CHIC1: variants seen among roughly 807,000 people sequenced by gnomAD.
CHIC1 encodes the protein cysteine rich hydrophobic domain 1, also known as cysteine-rich hydrophobic domain-containing protein 1.
A neutral mutation model predicts 18.5 loss-of-function variants in CHIC1; 7 were observed. The ratio of observed to expected loss-of-function variants is 0.38; its 90% confidence interval spans 0.22 to 0.71. CHIC1 has a LOEUF of 0.71. Ranked by LOEUF, CHIC1 falls within the 30% of genes least tolerant of loss-of-function variation. The pLI, the probability that CHIC1 is intolerant of heterozygous loss-of-function variation, is 0.49. For missense variants in CHIC1, 159 were observed against 176.9 expected, an observed-to-expected ratio of 0.90 and a Z score of 0.57; for synonymous variants, 77 against 73.5, an observed-to-expected ratio of 1.05 and a Z score of -0.25.
chrX:73,684,580 T>TC lies in CHIC1; in HGVS notation c.*3576dup, dbSNP rs1159761061. On this transcript the variant is annotated 3_prime_UTR_variant, in exon 6 of 6. Coordinates refer to ENST00000373502, the MANE Select transcript of CHIC1 (RefSeq NM_001039840.4). Reference sequence around the variant, plus strand: ...ACCTAGGAGGATATAGAAATTATATTCACCTGATTAACTGGAGCAGTTTCA... The same window carrying TC: ...ACCTAGGAGGATATAGAAATTATATTCCACCTGATTAACTGGAGCAGTTTCA... 3 of 111,427 alleles carry TC rather than the reference T, an allele frequency of 2.7e-5. No individual in the cohort carries two copies. Among genetic ancestry groups the TC allele is most frequent in the Non-Finnish European group, 3.8e-5 (2 of 52,839 alleles). 9.2% of individuals were successfully genotyped at this position (111,427 alleles called of 1,213,427 possible).
chrX:73,636,252 A>T (rs374631983), intron 3 of CHIC1, among the ~76,000 whole-genome samples: 1 of 111,534 alleles, frequency 9.0e-6, no homozygotes, highest in East Asian at 2.8e-4. Context: ...ATCCAAAGTG[A>T]GTCTTTATAG....
intron 3 of CHIC1, among the ~76,000 whole-genome samples, chrX:73,635,823 T>A (rs934534566): frequency 7.2e-5 from 8 of 111,842 alleles, no homozygotes; most frequent in African/African-American, 2.6e-4. Flanking sequence ...TCCTGGAGGA[T>A]GTTTCTTGTA....
At chrX:73,652,078 C>G (rs1179707286) in intron 3 of CHIC1, among the ~76,000 whole-genome samples, 1 of 111,688 alleles carries the variant, frequency 9.0e-6, no homozygotes, top group African/African-American at 3.3e-5. Flanking sequence ...AGAAATAACA[C>G]CACACATCTA....
chrX:73,641,804 T>C (rs1290075189), intron 3 of CHIC1, among the ~76,000 whole-genome samples: 1 of 110,985 alleles, frequency 9.0e-6, no homozygotes, highest in Admixed American at 9.6e-5. Flanking sequence ...TTACTGAGAA[T>C]GATGATTTCC....
At chrX:73,679,576 C>A in intron 4 of CHIC1, 78 bp from the exon 5 acceptor site, 1 of 683,905 alleles carries the variant, frequency 1.5e-6, no homozygotes, top group Non-Finnish European at 2.1e-6. Context: ...GGATTGTTTT[C>A]AGTGATTTAT....
chrX:73,626,155 C>T (rs952288402), intron 3 of CHIC1, among the ~76,000 whole-genome samples: 2 of 111,644 alleles, frequency 1.8e-5, no homozygotes, highest in African/African-American at 6.5e-5. Flanking sequence ...AAAAGAATGG[C>T]TACTCCATAG....
chrX:73,589,597 A>T (rs2057571290), intron 3 of CHIC1, among the ~76,000 whole-genome samples: 1 of 110,754 alleles, frequency 9.0e-6, no homozygotes, highest in Non-Finnish European at 1.9e-5. Flanking sequence ...CAGATTTATG[A>T]TTATCATTTT....
rs759851487 is a variant in CHIC1 at position 73,644,332 on chromosome X, G to A, written c.508-34994G>A. 3.3e-4 allele frequency among the ~76,000 whole-genome samples: 37 copies of A among 112,465 alleles called. No homozygotes were observed. The East Asian group carries it at 7.9e-3, about 24-fold the overall frequency. ...TCCAAGTTAGGCTGCTCGGGGGTCA[G>A]GGACCCACTTGAGGAGGCAGTCTGC... On this transcript the variant is annotated intron_variant, in intron 3 of 5. Transcript: ENST00000373502.
chrX:73,658,765 A>AT (rs2057964439), intron 3 of CHIC1, among the ~76,000 whole-genome samples: 2 of 111,818 alleles, frequency 1.8e-5, no homozygotes, highest in African/African-American at 6.5e-5. Flanking sequence ...TGATGTGGGC[A>AT]TTTAGTGCTA....
At chrX:73,636,015 C>T (rs1429309356) in intron 3 of CHIC1, among the ~76,000 whole-genome samples, 1 of 111,064 alleles carries the variant, frequency 9.0e-6, no homozygotes, top group Non-Finnish European at 1.9e-5. Flanking sequence ...TCAGTATTTG[C>T]TTCATATGGT....
intron 3 of CHIC1, among the ~76,000 whole-genome samples, chrX:73,591,514 G>A (rs1398552967): frequency 3.6e-5 from 4 of 111,398 alleles, no homozygotes; most frequent in Non-Finnish European, 7.6e-5. Flanking sequence ...CTCAGCCTGT[G>A]GTTTGTCTTT....
intron 3 of CHIC1, among the ~76,000 whole-genome samples, chrX:73,634,586 C>T (rs1208428679): frequency 9.0e-6 from 1 of 111,466 alleles, no homozygotes; most frequent in Non-Finnish European, 1.9e-5. Flanking sequence ...GCAAGTCATT[C>T]TTCAGATTTC....
chrX:73,646,491 G>T (rs781093155), intron 3 of CHIC1, among the ~76,000 whole-genome samples: 5 of 111,909 alleles, frequency 4.5e-5, no homozygotes, highest in African/African-American at 1.6e-4. Flanking sequence ...CCTTCCATTT[G>T]TGTGTTCTTC....
chrX:73,635,470 T>C (rs7063848), intron 3 of CHIC1, among the ~76,000 whole-genome samples: 5,318 of 111,762 alleles, frequency 0.048, 325 homozygotes, highest in African/African-American at 0.16. Flanking sequence ...AGGAATAATT[T>C]GCCAATGAAG....
At chrX:73,624,565 G>C (rs2057775081) in intron 3 of CHIC1, among the ~76,000 whole-genome samples, 2 of 112,276 alleles carry the variant, frequency 1.8e-5, no homozygotes, top group Admixed American at 1.9e-4. Context: ...AGAGCAGTCA[G>C]TTTTGAGCTT....
At chrX:73,634,301 T>C (rs965725576) in intron 3 of CHIC1, among the ~76,000 whole-genome samples, 3 of 112,781 alleles carry the variant, frequency 2.7e-5, no homozygotes, top group African/African-American at 9.7e-5. Context: ...GTTAGGATTG[T>C]GTGCCTTTAC....
chrX:73,607,939 C>G (rs2057690799), intron 3 of CHIC1, among the ~76,000 whole-genome samples: 2 of 109,264 alleles, frequency 1.8e-5, no homozygotes, highest in South Asian at 7.6e-4. Flanking sequence ...ATTCAGCCAT[C>G]TTGCCAGCTA....
Position 73,680,631 on chromosome X carries a change from G to A in CHIC1, c.625-324G>A, listed in dbSNP as rs2058094224. Reference sequence around the variant, plus strand: ...TTAATCTCTACTTTGCTAACAAAGAGATAGGGGTGTGGGGGAAAAACATAA... The same window carrying A: ...TTAATCTCTACTTTGCTAACAAAGAAATAGGGGTGTGGGGGAAAAACATAA... On this transcript the variant is annotated intron_variant, in intron 5 of 5. Transcript: ENST00000373502. Among the ~76,000 whole-genome samples the A allele has an allele frequency of 1.8e-5, 2 of 110,916 alleles. 1 individual carries two copies. Among genetic ancestry groups the A allele is most frequent in the African/African-American group, 6.5e-5 (2 of 30,668 alleles).
intron 3 of CHIC1, among the ~76,000 whole-genome samples, chrX:73,670,357 T>G (rs2058024054): frequency 8.9e-6 from 1 of 112,107 alleles, no homozygotes; most frequent in African/African-American, 3.2e-5. Context: ...ATCGGCCATC[T>G]TGGCCCTCCC....
Sources: gnomAD v4.1 joint callset for allele counts (sites outside exome capture counted in the v4.1 genomes callset) on GRCh38, gnomAD v4.1.1 for gene constraint, MANE v1.5 for transcripts, NCBI Gene and HGNC (gene_info 2026-07-23, HGNC 2026-07-21) for gene names.